SHISAL2B: variants seen among roughly 807,000 people sequenced by gnomAD.
The protein encoded by SHISAL2B is protein shisa-like-2B.
Under a neutral mutation model 16.5 loss-of-function variants are expected in SHISAL2B, and 12 were observed. The observed-to-expected ratio is 0.73, with a 90% CI of 0.47 to 1.18. The LOEUF (loss-of-function observed/expected upper bound fraction) is 1.18. Ranked by LOEUF, SHISAL2B falls within the 50% of genes most tolerant of loss-of-function variation. The pLI, the probability that SHISAL2B is intolerant of heterozygous loss-of-function variation, is 0.00. For synonymous variants in SHISAL2B, 72 were observed against 75.0 expected, an observed-to-expected ratio of 0.96 and a Z score of 0.21; for missense variants, 183 against 193.6, an observed-to-expected ratio of 0.95 and a Z score of 0.33.
intron 2 of SHISAL2B, among the ~76,000 whole-genome samples, chr5:64,704,690 G>C (rs1741852416): frequency 6.6e-6 from 1 of 151,928 alleles, no homozygotes; most frequent in African/African-American, 2.4e-5. Context: ...TTGAATCCAT[G>C]TTGTTACCTG....
chr5:64,715,673 G>A (rs965714694), intron 2 of SHISAL2B, among the ~76,000 whole-genome samples: 1 of 152,220 alleles, frequency 6.6e-6, no homozygotes, highest in Admixed American at 6.5e-5. Context: ...CAGACAGGCT[G>A]ATAGTGTTAT....
chr5:64,691,546 A>T (rs1741651577), intron 1 of SHISAL2B: 1 of 151,928 alleles, frequency 6.6e-6, no homozygotes, highest in Non-Finnish European at 1.5e-5. Context: ...GTAGAACAGG[A>T]CACCCCCTTT....
rs150064193 is a variant in SHISAL2B, at chr5:64,692,776, T to C, written c.191+1962T>C. ...TGCTGAGGAAAGGATAATTCTTCCTTTCCTGTGTCTGGCCCCTTCCCATCT... is the reference window on the plus strand; with the variant it reads ...TGCTGAGGAAAGGATAATTCTTCCTCTCCTGTGTCTGGCCCCTTCCCATCT... On this transcript the variant is annotated intron_variant, in intron 1 of 2. Transcript: ENST00000389074. 2.0e-5 allele frequency among the ~76,000 whole-genome samples: 3 copies of C among 152,282 alleles called. No homozygotes were observed. The East Asian group carries it at 5.8e-4, about 29-fold the overall frequency.
At chr5:64,693,030 C>T (rs951096392) in intron 1 of SHISAL2B, among the ~76,000 whole-genome samples, 6 of 149,172 alleles carry the variant, frequency 4.0e-5, no homozygotes, top group East Asian at 3.9e-4. Context: ...TTTTTTGAAA[C>T]GGGGTCTCAC....
At chr5:64,692,098 G>C (rs1290179813) in intron 1 of SHISAL2B, among the ~76,000 whole-genome samples, 2 of 152,108 alleles carry the variant, frequency 1.3e-5, no homozygotes, top group Non-Finnish European at 2.9e-5. Flanking sequence ...AATAATGATA[G>C]CTTATCCTTA....
At chr5:64,710,726 G>C (rs1741946459) in intron 2 of SHISAL2B, among the ~76,000 whole-genome samples, 2 of 131,386 alleles carry the variant, frequency 1.5e-5, no homozygotes, top group Non-Finnish European at 3.1e-5. Flanking sequence ...GCAGTGGTTT[G>C]TAGTTCTCCT....
At chr5:64,706,709 C>T (rs941051094) in intron 2 of SHISAL2B, among the ~76,000 whole-genome samples, 7 of 152,030 alleles carry the variant, frequency 4.6e-5, no homozygotes, top group African/African-American at 1.4e-4. Context: ...AGAAAACAAA[C>T]AAAAACAGAA....
At chr5:64,692,403 A>T (rs1433019063) in intron 1 of SHISAL2B, among the ~76,000 whole-genome samples, 2 of 152,218 alleles carry the variant, frequency 1.3e-5, no homozygotes, top group African/African-American at 4.8e-5. Context: ...GACAAAATGG[A>T]CAGTGCAGCT....
intron 2 of SHISAL2B, among the ~76,000 whole-genome samples, chr5:64,698,864 T>C (rs1741771781): frequency 6.6e-6 from 1 of 152,234 alleles, no homozygotes; most frequent in Non-Finnish European, 1.5e-5. Context: ...CAAAGGAGCA[T>C]ATTTTGAGAA....
intron 2 of SHISAL2B, among the ~76,000 whole-genome samples, chr5:64,708,221 G>C (rs1440251695): frequency 1.3e-5 from 2 of 151,984 alleles, no homozygotes; most frequent in African/African-American, 4.8e-5. Context: ...TTTCATATTT[G>C]ACAATGCTTC....
intron 2 of SHISAL2B, among the ~76,000 whole-genome samples, chr5:64,709,608 G>A (rs1334512924): frequency 1.3e-4 from 20 of 151,194 alleles, no homozygotes; most frequent in Admixed American, 6.6e-4. Flanking sequence ...CTGAGGAATC[G>A]CCACAGTGAC....
At chr5:64,694,383 T>C (rs1000620794) in intron 1 of SHISAL2B, among the ~76,000 whole-genome samples, 1 of 152,226 alleles carries the variant, frequency 6.6e-6, no homozygotes, top group Non-Finnish European at 1.5e-5. Context: ...AGATTTTAAT[T>C]AGAACAAAAT....
chr5:64,702,849 A>C (rs1741828207), intron 2 of SHISAL2B, among the ~76,000 whole-genome samples: 1 of 152,172 alleles, frequency 6.6e-6, no homozygotes, highest in Admixed American at 6.5e-5. Flanking sequence ...TTGACAATTT[A>C]AAATGTCACT....
intron 2 of SHISAL2B, among the ~76,000 whole-genome samples, chr5:64,708,914 TG>T (rs1561376876): frequency 1.3e-4 from 20 of 152,274 alleles, no homozygotes; most frequent in African/African-American, 4.8e-4. Flanking sequence ...AAGTCATTAT[TG>T]TGCCACTCTA....
intron 2 of SHISAL2B, among the ~76,000 whole-genome samples, chr5:64,715,670 G>T (rs1009597318): frequency 1.3e-5 from 2 of 152,198 alleles, no homozygotes; most frequent in African/African-American, 4.8e-5. Context: ...TAGCAGACAG[G>T]CTGATAGTGT....
At chr5:64,713,387 T>C (rs1741987221) in intron 2 of SHISAL2B, among the ~76,000 whole-genome samples, 1 of 86,866 alleles carries the variant, frequency 1.2e-5, no homozygotes. Flanking sequence ...TTCTGGCTTG[T>C]AGGGTTTCTG....
intron 2 of SHISAL2B, among the ~76,000 whole-genome samples, chr5:64,714,739 G>C (rs918586184): frequency 2.2e-4 from 33 of 152,224 alleles, no homozygotes; most frequent in African/African-American, 7.9e-4. Flanking sequence ...ATATAGTCTC[G>C]TGGTGCGCTG....
intron 2 of SHISAL2B, among the ~76,000 whole-genome samples, chr5:64,712,177 G>C: frequency 6.9e-6 from 1 of 145,038 alleles, no homozygotes; most frequent in African/African-American, 2.6e-5. Context: ...TGGGCATTTA[G>C]TGCTATAAAT....
At chr5:64,715,621 A>G (rs1742038678) in intron 2 of SHISAL2B, among the ~76,000 whole-genome samples, 1 of 152,184 alleles carries the variant, frequency 6.6e-6, no homozygotes, top group African/African-American at 2.4e-5. Flanking sequence ...GAACCAGATC[A>G]TCAGCCTAAC....
Sources: allele counts gnomAD v4.1 joint callset (sites outside exome capture counted in the v4.1 genomes callset), GRCh38; gene constraint gnomAD v4.1.1; transcripts MANE v1.5; gene names NCBI Gene and HGNC (gene_info 2026-07-23, HGNC 2026-07-21).